The following RGPD2 variants were observed in gnomAD, a reference collection of about 807,000 sequenced individuals.
The protein encoded by RGPD2 is RANBP2-like and GRIP domain-containing protein 2.
Under a neutral mutation model 36.0 loss-of-function variants are expected in RGPD2, and 2 were observed. That is an observed-to-expected ratio of 0.06 (90% CI 0.02 to 0.17). The LOEUF is 0.17. Ranked by LOEUF, RGPD2 falls within the 10% of genes least tolerant of loss-of-function variation. The pLI is 1.00. For synonymous variants in RGPD2, 19 were observed against 163.8 expected (o/e 0.12, Z 6.75); for missense variants, 40 against 464.3 (o/e 0.09, Z 8.40).
At chr2:87,921,505 A>C in the RGPD2 span, among the ~76,000 whole-genome samples, 1 of 152,162 alleles carries the variant, frequency 6.6e-6, no homozygotes, top group Admixed American at 6.5e-5. Context: ...CAAAGCAGGA[A>C]CTTGAAAAAA....
the RGPD2 span, among the ~76,000 whole-genome samples, chr2:87,951,701 C>T: frequency 2.0e-5 from 3 of 149,530 alleles, no homozygotes; most frequent in East Asian, 5.9e-4. Context: ...TCTCCTGCTT[C>T]AGCCTCCCAA....
At chr2:87,913,310 G>A in the RGPD2 span, among the ~76,000 whole-genome samples, 13 of 151,324 alleles carry the variant, frequency 8.6e-5, no homozygotes, top group South Asian at 2.1e-4. Context: ...ACCAAACACC[G>A]CATGTTCTCA....
chr2:87,807,380 G>GTTTTT (rs992462711), intron 6 of RGPD2, among the ~76,000 whole-genome samples: 116 of 81,966 alleles, frequency 1.4e-3, no homozygotes, highest in African/African-American at 4.6e-3. Flanking sequence ...GCGTTAAATT[G>GTTTTT]TTTTTTTTTT....
chr2:87,973,693 TA>T, the RGPD2 span, among the ~76,000 whole-genome samples: 3,559 of 105,424 alleles, frequency 0.034, 156 homozygotes, highest in African/African-American at 0.12. Flanking sequence ...GTGAACCAGC[TA>T]AAAAAAAAAA....
the RGPD2 span, among the ~76,000 whole-genome samples, chr2:87,986,909 C>T: frequency 6.7e-6 from 1 of 149,362 alleles, no homozygotes; most frequent in African/African-American, 2.5e-5. Context: ...GAAAAACATA[C>T]AACTTCTATG....
the RGPD2 span, among the ~76,000 whole-genome samples, chr2:87,879,411 C>CT: frequency 1.7e-3 from 209 of 123,706 alleles, 1 homozygote; most frequent in African/African-American, 3.7e-3. Context: ...ATTTTTTTTT[C>CT]TTTTTTTTTT....
the RGPD2 span, among the ~76,000 whole-genome samples, chr2:87,982,941 C>A: frequency 3.6e-5 from 3 of 83,624 alleles, no homozygotes; most frequent in East Asian, 1.1e-3. Context: ...ATGTAGAAAT[C>A]CAGTTTCTAT....
the RGPD2 span, among the ~76,000 whole-genome samples, chr2:87,955,421 C>G: frequency 2.8e-5 from 1 of 35,432 alleles, no homozygotes; most frequent in Non-Finnish European, 4.9e-5. Flanking sequence ...TCATTGGTTT[C>G]TCGCATTCAG....
the RGPD2 span, among the ~76,000 whole-genome samples, chr2:87,879,254 T>C: frequency 6.6e-6 from 1 of 151,852 alleles, no homozygotes; most frequent in African/African-American, 2.4e-5. Context: ...TCCTGGTAAA[T>C]GGAGTATGCA....
the RGPD2 span, among the ~76,000 whole-genome samples, chr2:87,957,082 A>G: frequency 1.3e-5 from 2 of 151,890 alleles, no homozygotes; most frequent in Middle Eastern, 3.4e-3. Context: ...AATTGATTTA[A>G]TTTGCAACAG....
At chr2:87,913,982 T>C in the RGPD2 span, among the ~76,000 whole-genome samples, 3 of 152,138 alleles carry the variant, frequency 2.0e-5, no homozygotes, top group Non-Finnish European at 4.4e-5. Context: ...TTTTCTGCCA[T>C]GCTAATTGCT....
At chr2:87,931,077 T>C in the RGPD2 span, among the ~76,000 whole-genome samples, 1 of 31,260 alleles carries the variant, frequency 3.2e-5, no homozygotes, top group Admixed American at 3.7e-4. Flanking sequence ...TCTCCTTCAG[T>C]TCAGCTCTGA....
the RGPD2 span, among the ~76,000 whole-genome samples, chr2:87,932,800 A>G: frequency 6.6e-5 from 10 of 151,898 alleles, no homozygotes; most frequent in East Asian, 1.9e-3. Context: ...TGGTTTATAG[A>G]GCTTCAGCTT....
the RGPD2 span, among the ~76,000 whole-genome samples, chr2:87,867,654 T>G: frequency 4.6e-5 from 7 of 152,282 alleles, no homozygotes; most frequent in African/African-American, 1.7e-4. Context: ...ATTTGGTAGT[T>G]TTTTTATTTT....
the RGPD2 span, among the ~76,000 whole-genome samples, chr2:87,966,166 C>T: frequency 6.6e-6 from 1 of 152,204 alleles, no homozygotes; most frequent in African/African-American, 2.4e-5. Context: ...GTCTCCTTAT[C>T]ATCATTCTGG....
the RGPD2 span, among the ~76,000 whole-genome samples, chr2:87,929,463 G>T: frequency 8.5e-6 from 1 of 117,346 alleles, no homozygotes; most frequent in Non-Finnish European, 1.8e-5. Flanking sequence ...GATGCCTCCA[G>T]CTTTGTTTTT....
At chr2:87,966,407 A>C in the RGPD2 span, among the ~76,000 whole-genome samples, 1 of 148,116 alleles carries the variant, frequency 6.8e-6, no homozygotes, top group African/African-American at 2.4e-5. Flanking sequence ...TACAGGACTA[A>C]GGGATGGTGA....
chr2:87,865,331 C>T, the RGPD2 span, among the ~76,000 whole-genome samples: 1 of 150,760 alleles, frequency 6.6e-6, no homozygotes, highest in South Asian at 2.1e-4. Flanking sequence ...CTCTGCTAAG[C>T]AGAGAGAATG....
intron 22 of RGPD2, among the ~76,000 whole-genome samples, chr2:87,768,957 C>G (rs1236616926): frequency 2.0e-3 from 14 of 6,922 alleles, no homozygotes; most frequent in African/African-American, 6.8e-3. Context: ...TTGTAGTTTA[C>G]ATTTTTTTTT....
Sources: gnomAD v4.1 joint callset for allele counts (sites outside exome capture counted in the v4.1 genomes callset) on GRCh38, gnomAD v4.1.1 for gene constraint, MANE v1.5 for transcripts, NCBI Gene and HGNC (gene_info 2026-07-23, HGNC 2026-07-21) for gene names.